RAP1GAP2: variants seen among roughly 807,000 people sequenced by gnomAD.
The protein encoded by RAP1GAP2 is RAP1 GTPase activating protein 2, also known as rap1 GTPase-activating protein 2.
Under a neutral mutation model 95.0 loss-of-function variants are expected in RAP1GAP2, and 27 were observed. That is an observed-to-expected ratio of 0.28 (90% CI 0.21 to 0.39). The LOEUF is 0.39. Among genes scored for constraint, RAP1GAP2 ranks in the 10% least tolerant of loss-of-function variants. The pLI is 1.00. For missense variants in RAP1GAP2, 771 were observed against 970.0 expected (o/e 0.79, Z 2.72); for synonymous variants, 373 against 380.9 (o/e 0.98, Z 0.24).
intron 2 of RAP1GAP2, among the ~76,000 whole-genome samples, chr17:2,864,993 A>G (rs1229413759): frequency 6.6e-6 from 1 of 152,186 alleles, no homozygotes; most frequent in East Asian, 1.9e-4. Flanking sequence ...CATTCTCTGC[A>G]TGACACTGAT....
intron 2 of RAP1GAP2, among the ~76,000 whole-genome samples, chr17:2,874,493 G>A (rs2072999530): frequency 1.3e-5 from 2 of 151,866 alleles, no homozygotes; most frequent in African/African-American, 4.9e-5. Context: ...TCTACAAAGA[G>A]CATTTCTGGC....
chr17:2,822,351 G>A (rs2070340585), intron 2 of RAP1GAP2, among the ~76,000 whole-genome samples: 1 of 152,210 alleles, frequency 6.6e-6, no homozygotes, highest in Non-Finnish European at 1.5e-5. Context: ...GCTGGGCGCC[G>A]TGGTTCACGC....
intron 3 of RAP1GAP2, among the ~76,000 whole-genome samples, chr17:2,947,804 T>G (rs567366954): frequency 6.6e-5 from 10 of 152,194 alleles, no homozygotes; most frequent in Admixed American, 5.9e-4. Flanking sequence ...TTTCCCCAGC[T>G]TTCCAGAAAC....
At chr17:2,919,072 A>G (rs1413711564) in intron 3 of RAP1GAP2, among the ~76,000 whole-genome samples, 1 of 152,134 alleles carries the variant, frequency 6.6e-6, no homozygotes, top group African/African-American at 2.4e-5. Flanking sequence ...AGGTGCCCAC[A>G]GCTGAGGGGC....
chr17:3,003,294 A>T lies in RAP1GAP2; in HGVS notation c.1201-2075A>T, dbSNP rs186526011. Among the ~76,000 whole-genome samples, 23 of 152,280 alleles carry T rather than the reference A, an allele frequency of 1.5e-4. No individual in the cohort carries two copies. In the East Asian group the frequency reaches 2.9e-3, roughly 19 times the overall value. On this transcript the variant is annotated intron_variant, in intron 14 of 24. Coordinates refer to ENST00000254695, the MANE Select transcript of RAP1GAP2 (RefSeq NM_015085.5). The surrounding 1 kb of genome is among the most constrained non-coding windows in gnomAD (Gnocchi z 4.1). ...GAAGCATCACTCTGGATTATTTTTCAGAAATGAGTGTAGTCCTCATCCTGC... is the reference window on the plus strand; with the variant it reads ...GAAGCATCACTCTGGATTATTTTTCTGAAATGAGTGTAGTCCTCATCCTGC...
intron 2 of RAP1GAP2, among the ~76,000 whole-genome samples, chr17:2,853,352 C>T (rs1482853537): frequency 6.6e-6 from 1 of 151,760 alleles, no homozygotes; most frequent in African/African-American, 2.4e-5. Flanking sequence ...GGAGGACGCG[C>T]GTTTCCTCTT....
chr17:3,024,253 T>C (rs1248258027), intron 19 of RAP1GAP2, among the ~76,000 whole-genome samples: 1 of 152,142 alleles, frequency 6.6e-6, no homozygotes, highest in Admixed American at 6.5e-5. Flanking sequence ...GGAGGACATC[T>C]GTGTCAGACA....
At chr17:2,962,987 C>G (rs1036014575) in intron 5 of RAP1GAP2, 1 of 551,000 alleles carries the variant, frequency 1.8e-6, no homozygotes, top group Admixed American at 3.5e-5. Context: ...CCGGCTCTTC[C>G]CTACCCTGTG....
Position 2,942,966 on chromosome 17 carries a change from A to G in RAP1GAP2, c.166-14793A>G, listed in dbSNP as rs958605704. ...GTATTTTTAGTAGAGATGGGGTTTC[A>G]CCATGTTGGTCAGGCTGGTCTTGAA... On this transcript the variant is annotated intron_variant, in intron 3 of 24. Transcript: ENST00000254695. Among the ~76,000 whole-genome samples, 4 of 151,986 alleles carry G rather than the reference A, an allele frequency of 2.6e-5. No homozygotes were observed. The South Asian group carries it at 6.2e-4, about 24-fold the overall frequency.
rs149139109 is a variant in RAP1GAP2, at chr17:3,012,309, C to T, written c.1494+4164C>T. 3.4e-4 allele frequency among the ~76,000 whole-genome samples: 51 copies of T among 151,652 alleles called. No homozygotes were observed. The East Asian group carries it at 8.7e-3, about 26-fold the overall frequency. On this transcript the variant is annotated intron_variant, in intron 17 of 24. Coordinates refer to ENST00000254695, the MANE Select transcript of RAP1GAP2 (RefSeq NM_015085.5). Reference sequence around the variant, plus strand: ...TTTCACTTAGATCTAAAAAAAAAAACCTTCCAATTATAAAGACTGAACGTT... The same window carrying T: ...TTTCACTTAGATCTAAAAAAAAAAATCTTCCAATTATAAAGACTGAACGTT...
chr17:3,026,262 GGGAGCCGCCAGAGGTCCCGGGGA>G, intron 20 of RAP1GAP2, 65 bp from the exon 21 acceptor site: 1 of 1,340,342 alleles, frequency 7.5e-7, no homozygotes, highest in Admixed American at 2.0e-5. Flanking sequence ...TGGGGGCGTG[GGGAGCCGCCAGAGGTCCCGGGGA>G]GGACCCTGGG....
chr17:2,850,229 T>C (rs1189054392), intron 2 of RAP1GAP2, among the ~76,000 whole-genome samples: 1 of 150,606 alleles, frequency 6.6e-6, no homozygotes, highest in African/African-American at 2.4e-5. Flanking sequence ...CTCGATCTCC[T>C]GACCTCATGA....
chr17:2,811,336 C>T (rs2069762929), intron 2 of RAP1GAP2, among the ~76,000 whole-genome samples: 1 of 152,200 alleles, frequency 6.6e-6, no homozygotes, highest in Admixed American at 6.5e-5. Flanking sequence ...AGCAGGGGTG[C>T]TGCTAACTTG....
intron 2 of RAP1GAP2, among the ~76,000 whole-genome samples, chr17:2,869,516 TG>T (rs2151636594): frequency 6.6e-6 from 1 of 152,058 alleles, no homozygotes; most frequent in African/African-American, 2.4e-5. Context: ...TGGTTGAAGA[TG>T]GGGTGGGCTG....
chr17:3,021,710 C>T (rs899260983), intron 19 of RAP1GAP2, among the ~76,000 whole-genome samples: 1 of 152,220 alleles, frequency 6.6e-6, no homozygotes, highest in African/African-American at 2.4e-5. Flanking sequence ...GTTGGGATTA[C>T]AGGCGTGAGC....
At chr17:2,942,843 C>A (rs1318988048) in intron 3 of RAP1GAP2, among the ~76,000 whole-genome samples, 2 of 152,114 alleles carry the variant, frequency 1.3e-5, no homozygotes, top group African/African-American at 4.8e-5. Context: ...TATTGGCTCA[C>A]TGCAACCTCC....
Position 3,008,883 on chromosome 17 carries a change from G to C in RAP1GAP2, c.1494+738G>C, listed in dbSNP as rs1287981353. On this transcript the variant is annotated intron_variant, in intron 17 of 24. Transcript: ENST00000254695. This position sits in a 1 kb window ranked among gnomAD's most constrained non-coding sequence, Gnocchi z 4.2. Reference sequence around the variant, plus strand: ...GCGGAACGGGTCTTGTTATATTCACGAACACACGTGGGGACAGGATGAGAG... The same window carrying C: ...GCGGAACGGGTCTTGTTATATTCACCAACACACGTGGGGACAGGATGAGAG... Among the ~76,000 whole-genome samples, 3 of 152,124 alleles carry C rather than the reference G, an allele frequency of 2.0e-5. No individual in the cohort carries two copies. The highest frequency in any genetic ancestry group is 2.9e-5 in the Non-Finnish European group (2 of 68,038).
At position 3,008,986 on chromosome 17, in the gene RAP1GAP2, G is replaced by A. The variant is rs1284788205; in HGVS notation, c.1494+841G>A. Among the ~76,000 whole-genome samples, 2 of 152,148 alleles carry A rather than the reference G, an allele frequency of 1.3e-5. No individual in the cohort carries two copies. Among genetic ancestry groups the A allele is most frequent in the African/African-American group, 4.8e-5 (2 of 41,420 alleles). ...TCAAACGCAGGTCTTCTGATTCTTA[G>A]GTCCGTGTGCTGCTGGATTGCCTGT... On this transcript the variant is annotated intron_variant, in intron 17 of 24. Transcript: ENST00000254695. The surrounding 1 kb of genome is among the most constrained non-coding windows in gnomAD (Gnocchi z 4.2).
At chr17:2,915,849 C>T (rs2042550604) in intron 3 of RAP1GAP2, among the ~76,000 whole-genome samples, 3 of 152,068 alleles carry the variant, frequency 2.0e-5, no homozygotes, top group African/African-American at 7.2e-5. Context: ...AGGTGCCTGC[C>T]ACCACACCTG....
Sources: allele counts gnomAD v4.1 joint callset (sites outside exome capture counted in the v4.1 genomes callset), GRCh38; gene constraint gnomAD v4.1.1; non-coding constraint Gnocchi (gnomAD v3.1); transcripts MANE v1.5; gene names NCBI Gene and HGNC (gene_info 2026-07-23, HGNC 2026-07-21).